WWOX: variants seen among roughly 807,000 people sequenced by gnomAD.
WWOX encodes the protein WW domain containing oxidoreductase, also known as WW domain-containing oxidoreductase.
A neutral mutation model predicts 46.2 loss-of-function variants in WWOX; 69 were observed. The ratio of observed to expected loss-of-function variants is 1.49; its 90% CI spans 1.23 to 1.82. The LOEUF (loss-of-function observed/expected upper bound fraction) is 1.82. Among genes scored for constraint, WWOX ranks in the 40% most tolerant of loss-of-function variants. The probability of loss-of-function intolerance (pLI) is 0.00; values close to 1 mark genes in which losing one functional copy is unlikely to be tolerated. For synonymous variants in WWOX, 359 were observed against 202.6 expected (o/e 1.77, Z -6.56); for missense variants, 919 against 542.6 (o/e 1.69, Z -6.89).
At chr16:78,458,858 C>A (rs986541488) in intron 8 of WWOX, among the ~76,000 whole-genome samples, 1 of 151,920 alleles carries the variant, frequency 6.6e-6, no homozygotes, top group Admixed American at 6.6e-5. Flanking sequence ...GGACAGGAGA[C>A]TGTGGGATGA....
At chr16:78,857,701 C>T (rs1011454254) in intron 8 of WWOX, among the ~76,000 whole-genome samples, 2 of 152,144 alleles carry the variant, frequency 1.3e-5, no homozygotes, top group African/African-American at 2.4e-5. Context: ...TCACTAGAGG[C>T]CTTTTCCCTA....
At chr16:78,326,711 G>T (rs926512613) in intron 5 of WWOX, among the ~76,000 whole-genome samples, 2 of 151,824 alleles carry the variant, frequency 1.3e-5, no homozygotes, top group African/African-American at 4.8e-5. Context: ...GCAACAGATT[G>T]CTGTATTCTT....
intron 4 of WWOX, among the ~76,000 whole-genome samples, chr16:78,129,700 A>AT (rs949953774): frequency 6.0e-5 from 9 of 149,918 alleles, no homozygotes; most frequent in African/African-American, 1.2e-4. Flanking sequence ...CTATAGTGGG[A>AT]TTTTTTTTCT....
chr16:78,947,227 G>C (rs1401628050), intron 8 of WWOX, among the ~76,000 whole-genome samples: 1 of 152,100 alleles, frequency 6.6e-6, no homozygotes, highest in Non-Finnish European at 1.5e-5. Context: ...CTGGAGGCCT[G>C]CAAATGAGTT....
intron 5 of WWOX, among the ~76,000 whole-genome samples, chr16:78,337,280 T>C (rs2080914479): frequency 6.6e-6 from 1 of 152,162 alleles, no homozygotes; most frequent in Admixed American, 6.5e-5. Context: ...GTTTTTTTAT[T>C]CCTTTATAAG....
chr16:78,536,173 C>G (rs910430457), intron 8 of WWOX, among the ~76,000 whole-genome samples: 16 of 152,074 alleles, frequency 1.1e-4, no homozygotes, highest in African/African-American at 3.9e-4. Context: ...ATAAACCACC[C>G]CCAGAGTACA....
At chr16:78,522,591 T>C (rs977511982) in intron 8 of WWOX, among the ~76,000 whole-genome samples, 1 of 152,242 alleles carries the variant, frequency 6.6e-6, no homozygotes, top group Admixed American at 6.5e-5. Context: ...AATTGCTCAG[T>C]TCCTGTTTTT....
At chr16:79,074,903 C>A (rs190755690) in intron 8 of WWOX, among the ~76,000 whole-genome samples, 2 of 151,262 alleles carry the variant, frequency 1.3e-5, no homozygotes, top group African/African-American at 2.4e-5. Context: ...GAAAAATAAA[C>A]GTTTTGCCAA....
At chr16:78,336,837 G>C (rs1434271581) in intron 5 of WWOX, among the ~76,000 whole-genome samples, 2 of 152,088 alleles carry the variant, frequency 1.3e-5, no homozygotes, top group Non-Finnish European at 2.9e-5. Context: ...TCATTTCCCA[G>C]GATGGAGTGC....
At position 79,209,710 on chromosome 16, in the gene WWOX, G is replaced by A. The variant is rs542989758; in HGVS notation, c.1057-1898G>A. On this transcript the variant is annotated intron_variant, in intron 8 of 8. Transcript: ENST00000566780. ...TCCAGGCCAAAATAATACTTGGCTTGAGTTAGCTGGATGAGCATCTCAATT... is the reference window on the plus strand; with the variant it reads ...TCCAGGCCAAAATAATACTTGGCTTAAGTTAGCTGGATGAGCATCTCAATT... Among the ~76,000 whole-genome samples, 7 of 152,334 alleles carry A rather than the reference G, an allele frequency of 4.6e-5. No homozygotes were observed. The East Asian group carries it at 1.4e-3, about 29-fold the overall frequency.
intron 8 of WWOX, among the ~76,000 whole-genome samples, chr16:78,945,408 T>C (rs1288427694): frequency 2.0e-5 from 3 of 152,206 alleles, no homozygotes; most frequent in Non-Finnish European, 4.4e-5. Context: ...TTTTAATGCA[T>C]CTAAAGTCTC....
At chr16:78,574,999 TTATATATA>T (rs1274999113) in intron 8 of WWOX, among the ~76,000 whole-genome samples, 1 of 37,016 alleles carries the variant, frequency 2.7e-5, no homozygotes, top group African/African-American at 7.2e-5. Flanking sequence ...TATTTTTCAA[TTATATATA>T]TATATATATA....
At chr16:78,578,435 G>A (rs1354876265) in intron 8 of WWOX, among the ~76,000 whole-genome samples, 4 of 149,656 alleles carry the variant, frequency 2.7e-5, no homozygotes, top group African/African-American at 7.4e-5. Flanking sequence ...CACTATAGGC[G>A]CCCACCACCA....
At chr16:78,637,412 G>C (rs1432286764) in intron 8 of WWOX, among the ~76,000 whole-genome samples, 2 of 150,912 alleles carry the variant, frequency 1.3e-5, no homozygotes, top group African/African-American at 4.9e-5. Context: ...CTGTGTTCCA[G>C]CCTGGGCAAC....
At chr16:79,097,238 C>T (rs1051446200) in intron 8 of WWOX, among the ~76,000 whole-genome samples, 11 of 152,148 alleles carry the variant, frequency 7.2e-5, no homozygotes, top group South Asian at 2.1e-4. Context: ...TGCATAATGA[C>T]GTCTTTGATT....
chr16:78,166,187 T>C (rs1006172421), intron 5 of WWOX, among the ~76,000 whole-genome samples: 3 of 152,158 alleles, frequency 2.0e-5, no homozygotes, highest in African/African-American at 7.2e-5. Context: ...TTAAACTTAG[T>C]ACTGCAGGAG....
At chr16:78,462,705 A>G (rs1567587653) in intron 8 of WWOX, among the ~76,000 whole-genome samples, 1 of 152,204 alleles carries the variant, frequency 6.6e-6, no homozygotes, top group Non-Finnish European at 1.5e-5. Context: ...GAAAGGTGCA[A>G]TAACATCTTA....
intron 8 of WWOX, among the ~76,000 whole-genome samples, chr16:78,756,518 G>A (rs1481074215): frequency 6.6e-6 from 1 of 152,118 alleles, no homozygotes; most frequent in Non-Finnish European, 1.5e-5. Context: ...AGAACACACT[G>A]AAAAACACGA....
chr16:78,464,196 C>G lies in WWOX; in HGVS notation c.1056+31444C>G, dbSNP rs2084019657. 2.0e-5 allele frequency among the ~76,000 whole-genome samples: 3 copies of G among 151,560 alleles called. No individual in the cohort carries two copies. The South Asian group carries it at 6.3e-4, about 32-fold the overall frequency. On this transcript the variant is annotated intron_variant, in intron 8 of 8. Transcript: ENST00000566780. ...GTGGACAAGGGACTCTGTGGGTTGT[C>G]TAGTACTAAGCAGAATGGAAGGGAA...
Sources: allele counts gnomAD v4.1 joint callset (sites outside exome capture counted in the v4.1 genomes callset), GRCh38; gene constraint gnomAD v4.1.1; transcripts MANE v1.5; gene names NCBI Gene and HGNC (gene_info 2026-07-23, HGNC 2026-07-21).